Variants in DLGAP1 observed in about 807,000 individuals in gnomAD.
DLGAP1 encodes the protein disks large-associated protein 1.
Under a neutral mutation model 90.8 loss-of-function variants are expected in DLGAP1, and 11 were observed. The observed-to-expected ratio is 0.12, with a 90% confidence interval of 0.08 to 0.20. DLGAP1 has a LOEUF of 0.20. DLGAP1 is among the 10% of genes least tolerant of loss of function. The pLI, the probability that DLGAP1 is intolerant of heterozygous loss-of-function variation, is 1.00. For synonymous variants in DLGAP1, 558 were observed against 540.7 expected (o/e 1.03, Z -0.44); for missense variants, 1,050 against 1,333.8 (o/e 0.79, Z 3.31).
chr18:3,968,112 C>A (rs2073367616), intron 3 of DLGAP1, among the ~76,000 whole-genome samples: 1 of 152,182 alleles, frequency 6.6e-6, no homozygotes, highest in South Asian at 2.1e-4. Flanking sequence ...CATCTTTCTG[C>A]TTTTGATCAT....
At chr18:3,595,728 A>ATTTCACGGCTCATTTTCCCAGCC (rs2056539187) in intron 7 of DLGAP1, among the ~76,000 whole-genome samples, 5 of 152,196 alleles carry the variant, frequency 3.3e-5, no homozygotes, top group African/African-American at 1.2e-4. Flanking sequence ...TGTGATCAGG[A>ATTTCACGGCTCATTTTCCCAGCC]TTTCACGGCT....
chr18:4,053,455 C>T (rs1035570324), intron 2 of DLGAP1, among the ~76,000 whole-genome samples: 11 of 152,182 alleles, frequency 7.2e-5, no homozygotes, highest in Non-Finnish European at 1.5e-4. Context: ...CCTCCCATGA[C>T]ATGTGAAGAT....
At chr18:4,062,792 C>T (rs2143318676) in intron 2 of DLGAP1, among the ~76,000 whole-genome samples, 1 of 152,122 alleles carries the variant, frequency 6.6e-6, no homozygotes, top group East Asian at 1.9e-4. Context: ...CTAGTCCCAT[C>T]AATTGTTTTA....
intron 1 of DLGAP1, among the ~76,000 whole-genome samples, chr18:4,423,748 T>C (rs1433686001): frequency 6.6e-6 from 1 of 150,916 alleles, no homozygotes; most frequent in Non-Finnish European, 1.5e-5. Flanking sequence ...CTTTAAAGGT[T>C]GCCTACCCCA....
chr18:4,065,116 T>C (rs966081596), intron 2 of DLGAP1, among the ~76,000 whole-genome samples: 1 of 152,040 alleles, frequency 6.6e-6, no homozygotes, highest in Non-Finnish European at 1.5e-5. Flanking sequence ...CGTCTTTTGA[T>C]AAAATTCAAC....
chr18:3,699,259 G>A (rs1208531004), intron 7 of DLGAP1, among the ~76,000 whole-genome samples: 2 of 152,116 alleles, frequency 1.3e-5, no homozygotes, highest in Admixed American at 1.3e-4. Flanking sequence ...TTTTGCACTG[G>A]TTTTTCCTCA....
intron 2 of DLGAP1, among the ~76,000 whole-genome samples, chr18:4,045,327 T>C (rs2075033176): frequency 6.6e-6 from 1 of 151,206 alleles, no homozygotes; most frequent in African/African-American, 2.4e-5. Context: ...TGGTATCTTT[T>C]AGTAATTCTT....
At chr18:3,800,214 G>A (rs2066222921) in intron 5 of DLGAP1, among the ~76,000 whole-genome samples, 6 of 152,172 alleles carry the variant, frequency 3.9e-5, no homozygotes, top group Admixed American at 3.9e-4. Flanking sequence ...GTGATTAAGT[G>A]CTTTGAGATG....
At chr18:3,791,073 T>C (rs868592960) in intron 5 of DLGAP1, among the ~76,000 whole-genome samples, 6 of 152,202 alleles carry the variant, frequency 3.9e-5, no homozygotes, top group Admixed American at 6.5e-5. Flanking sequence ...TGGTACACCA[T>C]GGACATGGCT....
chr18:3,782,352 G>A (rs780442920), intron 5 of DLGAP1, among the ~76,000 whole-genome samples: 1 of 152,172 alleles, frequency 6.6e-6, no homozygotes, highest in Non-Finnish European at 1.5e-5. Context: ...GGTCAGGCTG[G>A]TCTCGAACTC....
In DLGAP1 at chr18:4,114,561, A is replaced by G. The variant is rs1200308639; in HGVS notation, c.-159+36619T>C. Among the ~76,000 whole-genome samples the G allele has an allele frequency of 2.0e-5, 3 of 152,180 alleles. No individual in the cohort carries two copies. The East Asian group carries it at 5.8e-4, about 29-fold the overall frequency. ...AGGATCTTATCGTCAGTGAAGAGAG[A>G]TAGTTTGACTTCTTCTTTTCCTATT... On this transcript the variant is annotated intron_variant, in intron 2 of 12. Transcript: ENST00000315677.
At chr18:3,738,919 A>G (rs1598522391) in intron 6 of DLGAP1, among the ~76,000 whole-genome samples, 1 of 148,358 alleles carries the variant, frequency 6.7e-6, no homozygotes, top group Non-Finnish European at 1.5e-5. Flanking sequence ...GAACTCAAAC[A>G]AATTTACAAG....
chr18:3,796,704 C>T (rs544437593), intron 5 of DLGAP1, among the ~76,000 whole-genome samples: 6 of 152,320 alleles, frequency 3.9e-5, no homozygotes, highest in East Asian at 3.9e-4. Flanking sequence ...TGGAAACTGT[C>T]GGATCCTCAC....
intron 1 of DLGAP1, among the ~76,000 whole-genome samples, chr18:4,216,191 T>A (rs1598639176): frequency 3.3e-5 from 5 of 151,740 alleles, no homozygotes; most frequent in Admixed American, 3.3e-4. Context: ...AAGTGCAGAG[T>A]GAAGCTGGAG....
intron 2 of DLGAP1, among the ~76,000 whole-genome samples, chr18:4,108,973 G>A (rs1426928667): frequency 2.0e-5 from 3 of 152,164 alleles, no homozygotes; most frequent in Non-Finnish European, 4.4e-5. Context: ...TAGTACAACA[G>A]GTATAAGTTC....
intron 7 of DLGAP1, among the ~76,000 whole-genome samples, chr18:3,600,821 T>TATATATAGATATATAGATATATATAGAG (rs2056908663): frequency 8.1e-6 from 1 of 123,154 alleles, no homozygotes. Context: ...TATATATAGA[T>TATATATAGATATATAGATATATATAGAG]ATATAGATAT....
intron 3 of DLGAP1, among the ~76,000 whole-genome samples, chr18:3,973,435 T>G (rs1339509994): frequency 6.6e-6 from 1 of 152,218 alleles, no homozygotes; most frequent in African/African-American, 2.4e-5. Context: ...CCGTCACCTT[T>G]GTGCTCCTGT....
At chr18:3,584,990 C>T (rs896433879) in intron 7 of DLGAP1, among the ~76,000 whole-genome samples, 2 of 152,134 alleles carry the variant, frequency 1.3e-5, no homozygotes, top group Non-Finnish European at 2.9e-5. Context: ...TGGCTTCAAG[C>T]GATCCTCCCA....
intron 5 of DLGAP1, among the ~76,000 whole-genome samples, chr18:3,781,309 T>G (rs2065179138): frequency 1.3e-5 from 2 of 152,170 alleles, no homozygotes; most frequent in South Asian, 4.1e-4. Context: ...ATGATTTACT[T>G]AATATTTTCC....
Sources: gnomAD v4.1 joint callset for allele counts (sites outside exome capture counted in the v4.1 genomes callset) on GRCh38, gnomAD v4.1.1 for gene constraint, MANE v1.5 for transcripts, NCBI Gene and HGNC (gene_info 2026-07-23, HGNC 2026-07-21) for gene names.